The following CACNA1B variants were observed in gnomAD, a reference collection of about 807,000 sequenced individuals.
CACNA1B encodes the protein voltage-dependent N-type calcium channel subunit alpha-1B.
In CACNA1B, 70 loss-of-function variants were observed where a neutral mutation model predicts 247.2. That is an observed-to-expected ratio of 0.28 (90% CI 0.23 to 0.35). The LOEUF is 0.35. Ranked by LOEUF, CACNA1B falls within the 10% of genes least tolerant of loss-of-function variation. The pLI is 1.00. For missense variants in CACNA1B, 2,367 were observed against 3,197.4 expected, an observed-to-expected ratio of 0.74 and a Z score of 6.26; for synonymous variants, 1,231 against 1,294.4, an observed-to-expected ratio of 0.95 and a Z score of 1.05.
chr9:138,053,613 T>G (rs1276151794), intron 25 of CACNA1B, among the ~76,000 whole-genome samples: 2 of 96,138 alleles, frequency 2.1e-5, no homozygotes, highest in South Asian at 3.4e-4. Context: ...CCACCATGGC[T>G]CCACCCCTCT....
chr9:138,005,873 C>A (rs1958641349), intron 15 of CACNA1B, among the ~76,000 whole-genome samples: 2 of 152,012 alleles, frequency 1.3e-5, no homozygotes, highest in South Asian at 4.2e-4. Context: ...GAAACCCCGT[C>A]TCTACTAAAA....
intron 39 of CACNA1B, 118 bp downstream of exon 39, chr9:138,105,925 G>A: frequency 3.1e-6 from 2 of 654,682 alleles, no homozygotes; most frequent in Non-Finnish European, 5.4e-6. Context: ...GTGTCTGGAG[G>A]GGTCTGAGGA....
intron 15 of CACNA1B, among the ~76,000 whole-genome samples, chr9:137,993,556 C>A (rs1171315739): frequency 6.6e-6 from 1 of 152,138 alleles, no homozygotes; most frequent in Non-Finnish European, 1.5e-5. Context: ...TTCGAAGCTA[C>A]TATGAACACC....
chr9:138,058,808 G>A lies in CACNA1B; in HGVS notation c.4473+75G>A. 1 of 1,342,470 alleles carries A rather than the reference G, an allele frequency of 7.4e-7. No homozygotes were observed. Among genetic ancestry groups the A allele is most frequent in the South Asian group, 1.3e-5 (1 of 78,450 alleles). 83.2% of individuals were successfully genotyped at this position (1,342,470 alleles called of 1,614,324 possible). On this transcript the variant is annotated intron_variant, in intron 29 of 46. Transcript: ENST00000371372. The surrounding 1 kb of genome is among the most constrained non-coding windows in gnomAD (Gnocchi z 4.7). ...ATCTAACCCTGAGGCTGAGTGGAGAGTCAGCCTTCTTCCTCCCTGCATGAG... is the reference window on the plus strand; with the variant it reads ...ATCTAACCCTGAGGCTGAGTGGAGAATCAGCCTTCTTCCTCCCTGCATGAG...
Position 138,023,086 on chromosome 9 carries a change from G to C in CACNA1B, c.2343G>C (p.Arg781=). 4.6e-6 allele frequency: 7 copies of C among 1,530,860 alleles called. No individual in the cohort carries two copies. The highest frequency in any genetic ancestry group is 6.1e-6 in the Non-Finnish European group (7 of 1,145,606). The allele number at this position is 1,530,860 out of a possible 1,614,324, so 94.8% of individuals were successfully genotyped here. Residue 781 remains arginine (R), a synonymous_variant, in exon 19 of 47, where the codon CGG becomes CGC. Transcript: ENST00000371372. ...GCCAGCTACGGCTGCAGAACCTGCG[G>C]GCCAGCTGCGAGGCGCTGTACAGCG... The part of the protein sequence containing the change: ...RASQLRLQNL[R]ASCEALYSEM...
At chr9:137,923,580 AAGCTTCCAATTTGGGGTTATT>A (rs1957516423) in intron 6 of CACNA1B, among the ~76,000 whole-genome samples, 1 of 152,192 alleles carries the variant, frequency 6.6e-6, no homozygotes, top group African/African-American at 2.4e-5. Flanking sequence ...TCACCTGTGG[AAGCTTCCAATTTGGGGTTATT>A]ATGAATAGAG....
chr9:138,120,459 T>C, intron 45 of CACNA1B, 87 bp downstream of exon 45: 2 of 1,425,644 alleles, frequency 1.4e-6, no homozygotes, highest in South Asian at 1.3e-5. Context: ...CCCTCTTCCT[T>C]TGTGGGCCTC....
At chr9:137,960,435 G>GCCACGT (rs375346056) in intron 10 of CACNA1B, among the ~76,000 whole-genome samples, 3 of 27,606 alleles carry the variant, frequency 1.1e-4, no homozygotes, top group African/African-American at 2.9e-4. Flanking sequence ...CCTGAGAGAC[G>GCCACGT]GAGGGGGAGG....
chr9:138,092,260 G>A (rs934672647), intron 36 of CACNA1B, among the ~76,000 whole-genome samples: 1 of 152,168 alleles, frequency 6.6e-6, no homozygotes, highest in African/African-American at 2.4e-5. Context: ...TGAGGGCACT[G>A]CAGGAGACCA....
intron 20 of CACNA1B, among the ~76,000 whole-genome samples, chr9:138,032,174 C>T (rs1958995238): frequency 6.6e-6 from 1 of 151,440 alleles, no homozygotes; most frequent in Non-Finnish European, 1.5e-5. Context: ...TTTTTAAGAC[C>T]TCGTATAGGT....
chr9:138,054,047 T>C lies in CACNA1B; in HGVS notation c.3968+41T>C, dbSNP rs950401749. 2.5e-6 allele frequency: 4 copies of C among 1,590,196 alleles called. No homozygotes were observed. The highest frequency in any genetic ancestry group is 3.5e-6 in the Non-Finnish European group (4 of 1,159,126). ...GTGCAAGGTGGGACACACAGCCCCA[T>C]GATGCAGACAACACTGGGAGTTCCC... On this transcript the variant is annotated intron_variant, in intron 26 of 46. Transcript: ENST00000371372. The surrounding 1 kb of genome is among the most constrained non-coding windows in gnomAD (Gnocchi z 4.6).
chr9:137,985,749 CA>C (rs1264585334), intron 13 of CACNA1B, among the ~76,000 whole-genome samples: 1 of 152,232 alleles, frequency 6.6e-6, no homozygotes, highest in Non-Finnish European at 1.5e-5. Flanking sequence ...ACCGGCCCCT[CA>C]GTTGCCATCA....
chr9:138,075,972 G>A (rs1336113800), intron 35 of CACNA1B, 62 bp downstream of exon 35: 2 of 1,102,024 alleles, frequency 1.8e-6, no homozygotes, highest in African/African-American at 1.5e-5. Context: ...CTTTACTCAG[G>A]ATGAAGAAGG....
chr9:138,024,792 G>A (rs1415218149), intron 19 of CACNA1B, among the ~76,000 whole-genome samples, 163 bp from the exon 20 acceptor site: 2 of 152,070 alleles, frequency 1.3e-5, no homozygotes, highest in East Asian at 1.9e-4. Context: ...GTGTCACCAC[G>A]CCCAGCTAAT....
chr9:138,077,555 C>T (rs1181229098), intron 35 of CACNA1B, among the ~76,000 whole-genome samples: 12 of 152,202 alleles, frequency 7.9e-5, no homozygotes, highest in Admixed American at 7.9e-4. Flanking sequence ...CTGACCTGTG[C>T]TTAGTGGACC....
At chr9:137,925,350 G>A (rs1957537357) in intron 6 of CACNA1B, among the ~76,000 whole-genome samples, 1 of 152,202 alleles carries the variant, frequency 6.6e-6, no homozygotes, top group South Asian at 2.1e-4. Flanking sequence ...TGAATGGTCT[G>A]TTTAAAGGAG....
In CACNA1B at chr9:137,924,215, T is replaced by C. The variant is rs965564320; in HGVS notation, c.966+6784T>C. Among the ~76,000 whole-genome samples the C allele has an allele frequency of 7.1e-4, 108 of 152,286 alleles. 1 individual carries two copies. The highest frequency in any genetic ancestry group is 1.2e-3 in the Non-Finnish European group (81 of 68,020). On this transcript the variant is annotated intron_variant, in intron 6 of 46. Transcript: ENST00000371372. ...ATCCTGAAGATTTTCTTTTTTTTTT[T>C]CTAAAAGTTGTATTGTTTTATATTT...
Position 138,057,772 on chromosome 9 carries a change from C to T in CACNA1B, c.4009C>T (p.Gln1337Ter), listed in dbSNP as rs1554753635. 1 of 1,612,710 alleles carries T rather than the reference C, an allele frequency of 6.2e-7. No individual in the cohort carries two copies. Among genetic ancestry groups the T allele is most frequent in the Non-Finnish European group, 8.5e-7 (1 of 1,179,244 alleles). The change falls in exon 27 of 47, where the codon CAG (glutamine) becomes TAG (stop). Residue 1337 changes from glutamine to a stop codon, truncating the protein, a stop_gained. Transcript: ENST00000371372. LOFTEE classifies it high-confidence loss of function. The surrounding 1 kb of genome is among the most constrained non-coding windows in gnomAD (Gnocchi z 4.0). ...LDYEKEEVEA[Q>*]PRQWKKYDFH... ...TTATGAGAAGGAGGAAGTGGAAGCT[C>T]AGCCCAGGCAGTGGAAGAAATACGA...
At chr9:138,022,068 G>A (rs1269221910) in intron 18 of CACNA1B, among the ~76,000 whole-genome samples, 1 of 152,230 alleles carries the variant, frequency 6.6e-6, no homozygotes, top group Admixed American at 6.5e-5. Flanking sequence ...CATGTGTGAT[G>A]TGTGAATAGA....
Sources: gnomAD v4.1 joint callset for allele counts (sites outside exome capture counted in the v4.1 genomes callset) on GRCh38, gnomAD v4.1.1 for gene constraint, Gnocchi (gnomAD v3.1) non-coding constraint, MANE v1.5 for transcripts, NCBI Gene and HGNC (gene_info 2026-07-23, HGNC 2026-07-21) for gene names.